The following PCDH15 variants were observed in gnomAD, a reference collection of about 807,000 sequenced individuals.
The protein encoded by PCDH15 is protocadherin-15.
PCDH15 carries 129 observed loss-of-function variants against 178.5 expected under a neutral mutation model. The observed-to-expected ratio is 0.72, with a 90% CI of 0.63 to 0.84. The LOEUF (loss-of-function observed/expected upper bound fraction) is 0.84. PCDH15 is among the 40% of genes least tolerant of loss of function. The pLI is 0.00. For missense variants in PCDH15, 2,230 were observed against 2,099.9 expected, an observed-to-expected ratio of 1.06 and a Z score of -1.21; for synonymous variants, 800 against 732.0, an observed-to-expected ratio of 1.09 and a Z score of -1.50.
At chr10:55,386,893 T>C (rs1474555487) in intron 2 of PCDH15, among the ~76,000 whole-genome samples, 5 of 152,086 alleles carry the variant, frequency 3.3e-5, no homozygotes, top group Non-Finnish European at 7.4e-5. Flanking sequence ...GTGTACAAAT[T>C]AACGTACAAA....
chr10:54,901,825 A>G (rs1261018439), intron 2 of PCDH15, among the ~76,000 whole-genome samples: 1 of 152,196 alleles, frequency 6.6e-6, no homozygotes, highest in Non-Finnish European at 1.5e-5. Context: ...CATTTATTTC[A>G]AAAGTTCTAG....
intron 27 of PCDH15, among the ~76,000 whole-genome samples, chr10:53,859,957 A>G (rs2078994415): frequency 6.6e-6 from 1 of 152,166 alleles, no homozygotes; most frequent in South Asian, 2.1e-4. Context: ...ATGGGGATCT[A>G]CATTATATAT....
chr10:54,199,950 C>T (rs2050063037), intron 10 of PCDH15, among the ~76,000 whole-genome samples: 3 of 152,124 alleles, frequency 2.0e-5, no homozygotes, highest in East Asian at 1.9e-4. Context: ...AAAAAGCACA[C>T]CATTTTGTTA....
chr10:55,521,369 C>G (rs2132165040), intron 2 of PCDH15, among the ~76,000 whole-genome samples: 1 of 151,508 alleles, frequency 6.6e-6, no homozygotes, highest in African/African-American at 2.4e-5. Context: ...GTCAGAAATG[C>G]ATTTAATACT....
chr10:54,222,388 G>A (rs995801317), intron 9 of PCDH15, among the ~76,000 whole-genome samples: 24 of 152,218 alleles, frequency 1.6e-4, no homozygotes, highest in Middle Eastern at 6.8e-3. Context: ...CATCACCACC[G>A]TACTTTCATC....
chr10:54,634,817 T>C (rs577570372), intron 2 of PCDH15, among the ~76,000 whole-genome samples: 1 of 152,158 alleles, frequency 6.6e-6, no homozygotes, highest in African/African-American at 2.4e-5. Context: ...AATTATAAAC[T>C]GCTGCTTATT....
At chr10:54,304,643 A>C (rs2060356664) in intron 8 of PCDH15, among the ~76,000 whole-genome samples, 1 of 152,114 alleles carries the variant, frequency 6.6e-6, no homozygotes, top group Non-Finnish European at 1.5e-5. Context: ...AGTCACTGGA[A>C]TATTTTAAGC....
intron 2 of PCDH15, among the ~76,000 whole-genome samples, chr10:55,605,596 G>A (rs61851743): frequency 3.8e-3 from 437 of 116,168 alleles, no homozygotes; most frequent in Middle Eastern, 0.017. Flanking sequence ...TTCATTATAC[G>A]CAAATCAATA....
intron 18 of PCDH15, among the ~76,000 whole-genome samples, chr10:54,040,822 A>G (rs759147681): frequency 6.6e-6 from 1 of 152,030 alleles, no homozygotes; most frequent in Non-Finnish European, 1.5e-5. Flanking sequence ...CAAGCTTAGC[A>G]TATATGTGTG....
At chr10:54,016,375 G>T (rs1246442952) in intron 20 of PCDH15, among the ~76,000 whole-genome samples, 2 of 152,048 alleles carry the variant, frequency 1.3e-5, no homozygotes, top group Non-Finnish European at 2.9e-5. Flanking sequence ...CCATTTTTAG[G>T]TATATACACA....
intron 2 of PCDH15, chr10:54,599,565 C>A: frequency 4.5e-6 from 1 of 221,464 alleles, no homozygotes; most frequent in Non-Finnish European, 8.9e-6. Flanking sequence ...TGGAAGACAA[C>A]ATAGGCAATA....
intron 1 of PCDH15, among the ~76,000 whole-genome samples, chr10:55,221,183 A>G (rs1331704690): frequency 1.3e-5 from 2 of 152,084 alleles, no homozygotes; most frequent in Non-Finnish European, 2.9e-5. Context: ...TGCACAATAC[A>G]TAGTGTGTGT....
At chr10:55,084,704 T>C (rs561116607) in intron 2 of PCDH15, among the ~76,000 whole-genome samples, 4 of 151,874 alleles carry the variant, frequency 2.6e-5, no homozygotes, top group South Asian at 2.1e-4. Flanking sequence ...CCAGAATATA[T>C]AAGGAGCTCA....
chr10:55,241,181 A>T (rs561558610), intron 1 of PCDH15, among the ~76,000 whole-genome samples: 1 of 152,270 alleles, frequency 6.6e-6, no homozygotes, highest in South Asian at 2.1e-4. Context: ...GTGCCACTGC[A>T]CTCCAGCCTG....
chr10:53,957,770 C>G (rs2087778523), intron 23 of PCDH15, among the ~76,000 whole-genome samples: 1 of 151,864 alleles, frequency 6.6e-6, no homozygotes, highest in African/African-American at 2.4e-5. Flanking sequence ...CTACTGTATT[C>G]CATAGCAAAG....
chr10:54,185,159 T>C lies in PCDH15; in HGVS notation c.1415A>G (p.Glu472Gly). The change falls in exon 12 of 38, where the codon GAA becomes GGA. Residue 472 changes from glutamate to glycine, a missense_variant. By Grantham distance (98) the Glu-to-Gly change is moderately conservative. Transcript: ENST00000644397. Reference sequence around the variant, plus strand: ...CGAAAAGGTGTAAGTTTGCTGTTCTTCCCTGTCCACTGGTTGAAGTAAGGT... The same window carrying C: ...CGAAAAGGTGTAAGTTTGCTGTTCTCCCCTGTCCACTGGTTGAAGTAAGGT... ...YLTLLQPVDR[E>G]EQQTYTFSIT... 1.9e-6 allele frequency: 3 copies of C among 1,613,682 alleles called. No homozygotes were observed. Among genetic ancestry groups the C allele is most frequent in the East Asian group, 4.5e-5 (2 of 44,804 alleles).
At chr10:54,890,411 G>A (rs1303116305) in intron 3 of PCDH15, among the ~76,000 whole-genome samples, 4 of 151,912 alleles carry the variant, frequency 2.6e-5, no homozygotes, top group Non-Finnish European at 5.9e-5. Flanking sequence ...AAAGATAAAT[G>A]TAAATAAAAT....
chr10:55,527,166 C>T (rs897853815), intron 2 of PCDH15, among the ~76,000 whole-genome samples: 1 of 152,178 alleles, frequency 6.6e-6, no homozygotes, highest in Non-Finnish European at 1.5e-5. Flanking sequence ...GCCTCTGGTG[C>T]ATGTGTATAT....
intron 29 of PCDH15, among the ~76,000 whole-genome samples, chr10:53,835,839 C>T (rs2077273670): frequency 6.6e-6 from 1 of 152,168 alleles, no homozygotes; most frequent in African/African-American, 2.4e-5. Flanking sequence ...GGAGTCTCCC[C>T]TCATTTGAAA....
Sources: gnomAD v4.1 joint callset for allele counts (sites outside exome capture counted in the v4.1 genomes callset) on GRCh38, gnomAD v4.1.1 for gene constraint, MANE v1.5 for transcripts, NCBI Gene and HGNC (gene_info 2026-07-23, HGNC 2026-07-21) for gene names.